Variants in TAB2 observed in about 807,000 individuals in gnomAD.
TAB2 encodes TGF-beta activated kinase 1 (MAP3K7) binding protein 2, also known as TGF-beta-activated kinase 1 and MAP3K7-binding protein 2.
TAB2 carries 3 observed loss-of-function variants against 65.0 expected under a neutral mutation model. That is an observed-to-expected ratio of 0.05 (90% CI 0.02 to 0.12). TAB2 has a LOEUF of 0.12. Among genes scored for constraint, TAB2 ranks in the 10% least tolerant of loss-of-function variants. The pLI, the probability that TAB2 is intolerant of heterozygous loss-of-function variation, is 1.00. For missense variants in TAB2, 623 were observed against 840.3 expected (o/e 0.74, Z 3.20); for synonymous variants, 298 against 285.1 (o/e 1.05, Z -0.46).
intron 1 of TAB2, among the ~76,000 whole-genome samples, chr6:149,322,615 T>G (rs34522908): frequency 0.045 from 6,916 of 152,258 alleles, 190 homozygotes; most frequent in Non-Finnish European, 0.07. Flanking sequence ...TTTTCTTCTG[T>G]GTAAAATGGA....
Position 149,379,026 on chromosome 6 carries a change from G to A in TAB2, c.1111G>A (p.Ala371Thr), listed in dbSNP as rs1781510471. 1 of 1,614,012 alleles carries A rather than the reference G, an allele frequency of 6.2e-7. No individual in the cohort carries two copies. The highest frequency in any genetic ancestry group is 1.3e-5 in the African/African-American group (1 of 74,908). Reference protein sequence around the residue: ...NRNQPTVYIAASPPNTDELMS... With the variant: ...NRNQPTVYIATSPPNTDELMS... The stretch of plus-strand genomic sequence containing the variant: ...AAATCAGCCCACTGTTTACATAGCT[G>A]CCAGCCCCCCAAATACGGATGAGCT... The change falls in exon 3 of 7, where the codon GCC becomes ACC. Residue 371 changes from alanine (A) to threonine (T), a missense_variant. Coordinates refer to ENST00000637181, the MANE Select transcript of TAB2 (RefSeq NM_001292034.3).
intron 1 of TAB2, among the ~76,000 whole-genome samples, chr6:149,368,556 CTTAAA>C (rs930331584): frequency 1.6e-4 from 24 of 152,070 alleles, no homozygotes; most frequent in Middle Eastern, 6.8e-3. Context: ...ATTGTCGCCA[CTTAAA>C]TTATTTTAAA....
intron 1 of TAB2, among the ~76,000 whole-genome samples, chr6:149,250,842 A>T (rs1777844742): frequency 6.6e-6 from 1 of 152,148 alleles, no homozygotes; most frequent in Non-Finnish European, 1.5e-5. Context: ...ACCTTGCATT[A>T]TGAAAATCAC....
intron 1 of TAB2, among the ~76,000 whole-genome samples, chr6:149,357,802 C>A (rs191743744): frequency 1.3e-5 from 2 of 151,858 alleles, no homozygotes; most frequent in South Asian, 4.2e-4. Context: ...CAGGTTCAAG[C>A]GATTCTCCTG....
At chr6:149,306,148 G>A (rs1466328273) in intron 1 of TAB2, among the ~76,000 whole-genome samples, 2 of 152,214 alleles carry the variant, frequency 1.3e-5, no homozygotes, top group Non-Finnish European at 2.9e-5. Context: ...GCTCATGCCT[G>A]TAATCCCAGC....
chr6:149,368,645 T>TTGTGTG (rs3056968), intron 1 of TAB2, among the ~76,000 whole-genome samples: 14,622 of 147,484 alleles, frequency 0.099, 783 homozygotes, highest in African/African-American at 0.12. Context: ...ATGCGAAAAT[T>TTGTGTG]TGTGTGTGTG....
intron 1 of TAB2, among the ~76,000 whole-genome samples, chr6:149,292,818 A>G (rs1177420866): frequency 6.6e-6 from 1 of 152,178 alleles, no homozygotes; most frequent in Non-Finnish European, 1.5e-5. Flanking sequence ...CCGTATGACC[A>G]ATTTCTTTAA....
chr6:149,345,800 A>C (rs1214540521), intron 1 of TAB2, among the ~76,000 whole-genome samples: 1 of 152,224 alleles, frequency 6.6e-6, no homozygotes, highest in African/African-American at 2.4e-5. Flanking sequence ...TTTTTACACA[A>C]AAGGTGTTAT....
At chr6:149,252,656 G>A (rs181971796) in intron 1 of TAB2, among the ~76,000 whole-genome samples, 16 of 151,964 alleles carry the variant, frequency 1.1e-4, no homozygotes, top group East Asian at 7.7e-4. Flanking sequence ...ATATCTTGAC[G>A]CCCCTTAAAC....
At chr6:149,320,551 A>G (rs1409528203) in intron 1 of TAB2, among the ~76,000 whole-genome samples, 2 of 152,212 alleles carry the variant, frequency 1.3e-5, no homozygotes, top group African/African-American at 4.8e-5. Context: ...TTAGAGTGAA[A>G]TGTACATATG....
intron 1 of TAB2, among the ~76,000 whole-genome samples, chr6:149,285,049 A>G (rs1038956307): frequency 6.6e-6 from 1 of 152,146 alleles, no homozygotes; most frequent in Non-Finnish European, 1.5e-5. Flanking sequence ...TGCTACATAC[A>G]CATGCTTTGG....
At chr6:149,368,750 G>A (rs918201821) in intron 1 of TAB2, among the ~76,000 whole-genome samples, 1 of 151,868 alleles carries the variant, frequency 6.6e-6, no homozygotes, top group African/African-American at 2.4e-5. Context: ...TTATCCATGA[G>A]ATGTAACTAA....
chr6:149,333,739 G>C (rs1047986323), intron 1 of TAB2, among the ~76,000 whole-genome samples: 4 of 150,560 alleles, frequency 2.7e-5, no homozygotes, highest in African/African-American at 1.0e-4. Flanking sequence ...GTGTGTGTGT[G>C]TGTGTGTCTA....
rs535675850 is a variant in TAB2, at chr6:149,288,089, G to T, written c.-121+69313G>T. On this transcript the variant is annotated intron_variant, in intron 1 of 1. Transcript: ENST00000606202. ...GTAAATATTGTTAAACCTTTACTAT[G>T]GGCCTAGTACTATGCAAACTACCAT... Among the ~76,000 whole-genome samples the T allele has an allele frequency of 4.6e-5, 7 of 152,248 alleles. No homozygotes were observed. The East Asian group carries it at 9.6e-4, about 21-fold the overall frequency.
At chr6:149,364,733 A>T (rs1032943593) in intron 1 of TAB2, among the ~76,000 whole-genome samples, 1 of 149,508 alleles carries the variant, frequency 6.7e-6, no homozygotes, top group African/African-American at 2.5e-5. Flanking sequence ...CCAGATTTTC[A>T]TAAGACCTAT....
At chr6:149,315,405 TTTTA>T (rs1467571787), upstream of TAB2, among the ~76,000 whole-genome samples, 1 of 152,238 alleles carries the variant, frequency 6.6e-6, no homozygotes, top group Non-Finnish European at 1.5e-5. Context: ...TATGTATGTA[TTTTA>T]TTTTTTTCTG....
At chr6:149,266,103 G>T (rs775686103) in intron 1 of TAB2, among the ~76,000 whole-genome samples, 6 of 152,158 alleles carry the variant, frequency 3.9e-5, no homozygotes, top group Non-Finnish European at 7.4e-5. Context: ...TAGAAGATAA[G>T]TCAAAACAAT....
intron 1 of TAB2, among the ~76,000 whole-genome samples, chr6:149,252,865 T>C (rs1777889005): frequency 1.3e-5 from 2 of 152,284 alleles, no homozygotes; most frequent in South Asian, 4.1e-4. Flanking sequence ...GCCCTATTTC[T>C]CTTCCACTCT....
At chr6:149,369,729 A>G (rs141925826) in intron 1 of TAB2, among the ~76,000 whole-genome samples, 180 bp from the exon 2 acceptor site, 1 of 152,256 alleles carries the variant, frequency 6.6e-6, no homozygotes, top group African/African-American at 2.4e-5. Flanking sequence ...AAAGTTTACC[A>G]TCAGAGTTTA....
Sources: allele counts gnomAD v4.1 joint callset (sites outside exome capture counted in the v4.1 genomes callset), GRCh38; gene constraint gnomAD v4.1.1; transcripts MANE v1.5; gene names NCBI Gene and HGNC (gene_info 2026-07-23, HGNC 2026-07-21).